Variants in AIMP2 observed in about 807,000 individuals in gnomAD.
AIMP2 encodes aminoacyl tRNA synthase complex-interacting multifunctional protein 2.
In AIMP2, 20 loss-of-function variants were observed where a neutral mutation model predicts 23.4. That is an observed-to-expected ratio of 0.85 (90% CI 0.60 to 1.24). The LOEUF (loss-of-function observed/expected upper bound fraction) is 1.24. AIMP2 is among the 50% of genes most tolerant of loss of function. AIMP2 has a pLI of 0.00. For missense variants in AIMP2, 515 were observed against 414.5 expected, an observed-to-expected ratio of 1.24 and a Z score of -2.10; for synonymous variants, 210 against 170.4, an observed-to-expected ratio of 1.23 and a Z score of -1.81.
chr7:6,023,772 T>A lies in AIMP2; in HGVS notation c.*81T>A, dbSNP rs745955641. The A allele has an allele frequency of 1.2e-6, 2 of 1,606,230 alleles. No individual in the cohort carries two copies. The highest frequency in any genetic ancestry group is 1.7e-6 in the Non-Finnish European group (2 of 1,175,434). On this transcript the variant is annotated 3_prime_UTR_variant, in exon 4 of 4. Transcript: ENST00000223029. Reference sequence around the variant, plus strand: ...CTATTATCAGTAAGGGGACTTGTATTAGAGTCAGAGTCTTTTTATTTAGGC... The same window carrying A: ...CTATTATCAGTAAGGGGACTTGTATAAGAGTCAGAGTCTTTTTATTTAGGC...
chr7:6,017,170 T>C (rs972275265), intron 2 of AIMP2, among the ~76,000 whole-genome samples: 7 of 152,034 alleles, frequency 4.6e-5, no homozygotes, highest in African/African-American at 1.7e-4. Flanking sequence ...TGGTCAGCTG[T>C]TGGAAAGATT....
chr7:6,017,428 CAGG>C (rs1787089731), intron 2 of AIMP2, among the ~76,000 whole-genome samples: 1 of 150,802 alleles, frequency 6.6e-6, no homozygotes, highest in Admixed American at 6.6e-5. Context: ...GAAGCTGAGG[CAGG>C]AGAATCGCTT....
In AIMP2 at chr7:6,023,666, A is replaced by C; in HGVS notation, c.938A>C (p.Asn313Thr). The change falls in exon 4 of 4, where the codon AAC becomes ACC. Residue 313 changes from asparagine to threonine, a missense_variant. Transcript: ENST00000223029. ...MRSCENLAPF[N>T]TALKLLK is the part of the protein sequence containing the mutation. ...TCTTGTGAAAACCTGGCTCCTTTTAACACGGCCCTCAAGCTCCTTAAGTGA... is the reference window on the plus strand; with the variant it reads ...TCTTGTGAAAACCTGGCTCCTTTTACCACGGCCCTCAAGCTCCTTAAGTGA... 1 of 1,614,142 alleles carries C rather than the reference A, an allele frequency of 6.2e-7. No individual in the cohort carries two copies.
At chr7:6,012,610 T>TGCAATGTC (rs1786760834) in intron 1 of AIMP2, 10 of 257,140 alleles carry the variant, frequency 3.9e-5, no homozygotes, top group South Asian at 2.9e-4. Context: ...CAGTCTGGAG[T>TGCAATGTC]GCAATGTCGC....
chr7:6,017,957 T>G lies in AIMP2; in HGVS notation c.486T>G (p.Pro162=), dbSNP rs373689127. ...VHTHSSVKSV[P]ENLLKCFGEQ... is the part of the protein sequence containing the mutation. ...CGCACTCCTCGGTCAAGAGCGTGCC[T>G]GAAAACCTTCTCAAGTGCTTTGGAG... The change falls in exon 3 of 4, where the codon CCT becomes CCG. Residue 162 remains proline, a synonymous_variant. Transcript: ENST00000223029. 6.2e-7 allele frequency: 1 copy of G among 1,613,860 alleles called. No individual in the cohort carries two copies. Among genetic ancestry groups the G allele is most frequent in the African/African-American group, 1.3e-5 (1 of 74,856 alleles).
chr7:6,009,482 G>T lies in AIMP2; in HGVS notation c.119G>T (p.Gly40Val). The change falls in exon 1 of 4, where the codon GGC becomes GTC. Residue 40 changes from glycine to valine, a missense_variant. Gly to Val is a moderately radical substitution (Grantham distance 109). Transcript: ENST00000223029. ...VHGRSYGPAP[G>V]AGHVQEESNL... ...GGCAGGAGCTACGGCCCAGCGCCGG[G>T]CGCTGGCCACGTGCAGGTAGGAGCG... The T allele has an allele frequency of 6.3e-7, 1 of 1,575,804 alleles. No individual in the cohort carries two copies. Among genetic ancestry groups the T allele is most frequent in the Non-Finnish European group, 8.6e-7 (1 of 1,165,708 alleles).
At chr7:6,021,358 A>AAG (rs1176466724) in intron 3 of AIMP2, among the ~76,000 whole-genome samples, 8 of 151,514 alleles carry the variant, frequency 5.3e-5, no homozygotes, top group Admixed American at 1.3e-4. Context: ...AAAAAAAAAA[A>AAG]AGAGAACCCT....
chr7:6,023,315 A>G lies in AIMP2; in HGVS notation c.587A>G (p.Gln196Arg). 6.2e-7 allele frequency: 1 copy of G among 1,600,594 alleles called. No individual in the cohort carries two copies. Among genetic ancestry groups the G allele is most frequent in the Non-Finnish European group, 8.5e-7 (1 of 1,174,520 alleles). Residue 196 changes from glutamine to arginine, a missense_variant, in exon 4 of 4, where the codon CAG (glutamine) becomes CGG (arginine). Coordinates refer to ENST00000223029, the MANE Select transcript of AIMP2 (RefSeq NM_006303.4). Reference protein sequence around the residue: ...TLIWKNVPKTQMKFSIQTMCP... With the variant: ...TLIWKNVPKTRMKFSIQTMCP... The stretch of plus-strand genomic sequence containing the variant: ...TTTTTCTTTTCAGTGCCGAAGACGC[A>G]GATGAAATTCAGCATCCAGACGATG...
Position 6,023,430 on chromosome 7 carries a change from T to C in AIMP2, c.702T>C (p.Asp234=), listed in dbSNP as rs924663778. 2.5e-6 allele frequency: 4 copies of C among 1,614,058 alleles called. No individual in the cohort carries two copies. In the African/African-American group the frequency reaches 4.0e-5, roughly 16 times the overall value. ...KHNAVNATLI[D]SWVDIAIFQL... Reference sequence around the variant, plus strand: ...ATGCTGTCAACGCAACCCTTATAGATAGCTGGGTAGATATTGCGATTTTTC... The same window carrying C: ...ATGCTGTCAACGCAACCCTTATAGACAGCTGGGTAGATATTGCGATTTTTC... Residue 234 remains aspartate (D), a synonymous_variant, in exon 4 of 4, where the codon GAT becomes GAC. Coordinates refer to ENST00000223029, the MANE Select transcript of AIMP2 (RefSeq NM_006303.4).
Position 6,009,429 on chromosome 7 carries a change from C to G in AIMP2, c.66C>G (p.Thr22=). The part of the protein sequence containing the change: ...GGAPLRVELP[T]CMYRLPNVHG... ...CGCCTCTCCGTGTGGAGCTTCCCACCTGCATGTACCGGCTCCCCAACGTGC... is the reference window on the plus strand; with the variant it reads ...CGCCTCTCCGTGTGGAGCTTCCCACGTGCATGTACCGGCTCCCCAACGTGC... The change falls in exon 1 of 4, where the codon ACC becomes ACG. Residue 22 remains threonine, a synonymous_variant. Coordinates refer to ENST00000223029, the MANE Select transcript of AIMP2 (RefSeq NM_006303.4). 1 of 1,611,350 alleles carries G rather than the reference C, an allele frequency of 6.2e-7. No homozygotes were observed. The highest frequency in any genetic ancestry group is 8.5e-7 in the Non-Finnish European group (1 of 1,179,930).
At chr7:6,018,973 ACACAC>A (rs1403823745) in intron 3 of AIMP2, among the ~76,000 whole-genome samples, 4 of 88,978 alleles carry the variant, frequency 4.5e-5, no homozygotes, top group African/African-American at 2.1e-4. Context: ...AACCTTACAC[ACACAC>A]ACACACACAC....
chr7:6,009,593 T>G, intron 1 of AIMP2, 95 bp downstream of exon 1: 1 of 1,131,294 alleles, frequency 8.8e-7, no homozygotes. Flanking sequence ...CCCAACCGGT[T>G]CACGGCCCCA....
chr7:6,015,559 C>A (rs748067999), intron 2 of AIMP2, among the ~76,000 whole-genome samples: 3 of 151,908 alleles, frequency 2.0e-5, no homozygotes, highest in Non-Finnish European at 4.4e-5. Context: ...CCCATTTCTA[C>A]TAAAAATACA....
chr7:6,022,065 T>C (rs1314881383), intron 3 of AIMP2, among the ~76,000 whole-genome samples: 3 of 152,086 alleles, frequency 2.0e-5, no homozygotes, highest in Non-Finnish European at 4.4e-5. Context: ...ACTTAATGAA[T>C]AGTAAATTCA....
chr7:6,011,237 A>T (rs1228390130), intron 1 of AIMP2, among the ~76,000 whole-genome samples: 1 of 152,062 alleles, frequency 6.6e-6, no homozygotes, highest in Admixed American at 6.6e-5. Context: ...CACTCTATTA[A>T]ATTGTTTTCC....
chr7:6,015,023 A>G, intron 1 of AIMP2, 123 bp from the exon 2 acceptor site: 6 of 1,539,318 alleles, frequency 3.9e-6, no homozygotes, highest in Non-Finnish European at 5.3e-6. Context: ...CCCAGCCCAT[A>G]ATGTCTTCTT....
Position 6,017,968 on chromosome 7 carries a change from T to A in AIMP2, c.497T>A (p.Leu166His), listed in dbSNP as rs773768066. The stretch of plus-strand genomic sequence containing the variant: ...GTCAAGAGCGTGCCTGAAAACCTTC[T>A]CAAGTGCTTTGGAGAACAGAATAAA... ...SSVKSVPENL[L>H]KCFGEQNKKQ... is the part of the protein sequence containing the mutation. Residue 166 changes from leucine to histidine, a missense_variant, in exon 3 of 4, where the codon CTC (leucine) becomes CAC (histidine). Transcript: ENST00000223029. The A allele has an allele frequency of 6.2e-7, 1 of 1,613,962 alleles. No homozygotes were observed. Among genetic ancestry groups the A allele is most frequent in the South Asian group, 1.1e-5 (1 of 91,082 alleles).
At chr7:6,013,856 C>T (rs1203026736) in intron 1 of AIMP2, among the ~76,000 whole-genome samples, 1 of 151,736 alleles carries the variant, frequency 6.6e-6, no homozygotes, top group Non-Finnish European at 1.5e-5. Flanking sequence ...GAGACTAAGG[C>T]AGGAGGATCA....
In AIMP2 at chr7:6,015,196, T is replaced by C. The variant is rs748648312; in HGVS notation, c.186T>C (p.Ile62=). Residue 62 remains isoleucine, a synonymous_variant, in exon 2 of 4, where the codon ATT becomes ATC. Coordinates refer to ENST00000223029, the MANE Select transcript of AIMP2 (RefSeq NM_006303.4). ...CTCTTGAGTCCCGCCAAGATGATATTTTAAAACGTCTGTATGAGTTGAAAG... is the reference window on the plus strand; with the variant it reads ...CTCTTGAGTCCCGCCAAGATGATATCTTAAAACGTCTGTATGAGTTGAAAG... ...LQALESRQDD[I]LKRLYELKAA... is the part of the protein sequence containing the mutation. 6.2e-7 allele frequency: 1 copy of C among 1,614,176 alleles called. No individual in the cohort carries two copies. Among genetic ancestry groups the C allele is most frequent in the South Asian group, 1.1e-5 (1 of 91,090 alleles).
Sources: gnomAD v4.1 joint callset for allele counts (sites outside exome capture counted in the v4.1 genomes callset) on GRCh38, gnomAD v4.1.1 for gene constraint, MANE v1.5 for transcripts, NCBI Gene and HGNC (gene_info 2026-07-23, HGNC 2026-07-21) for gene names.